DNAH5: variants seen among roughly 807,000 people sequenced by gnomAD.
DNAH5 encodes the protein axonemal beta dynein heavy chain 5.
Under a neutral mutation model 518.2 loss-of-function variants are expected in DNAH5, and 372 were observed. That is an observed-to-expected ratio of 0.72 (90% CI 0.66 to 0.78). The LOEUF is 0.78. Ranked by LOEUF, DNAH5 falls within the 30% of genes least tolerant of loss-of-function variation. The pLI is 0.00. For synonymous variants in DNAH5, 2,039 were observed against 2,025.9 expected (o/e 1.01, Z -0.17); for missense variants, 5,523 against 5,687.0 (o/e 0.97, Z 0.93).
chr5:13,757,789 A>C (rs1751208422), intron 61 of DNAH5, among the ~76,000 whole-genome samples: 1 of 152,198 alleles, frequency 6.6e-6, no homozygotes, highest in African/African-American at 2.4e-5. Flanking sequence ...AAAAGCATTT[A>C]CTTTGCTTGT....
At chr5:13,907,456 G>A (rs1202268513) in intron 12 of DNAH5, among the ~76,000 whole-genome samples, 2 of 152,048 alleles carry the variant, frequency 1.3e-5, no homozygotes, top group African/African-American at 4.8e-5. Flanking sequence ...AAAGAACCTG[G>A]GGGAGAGAAG....
In DNAH5 at chr5:13,814,867, G is replaced by GA. The variant is rs753827452; in HGVS notation, c.6989-22dup. 2,652 of 1,482,518 alleles carry GA rather than the reference G, an allele frequency of 1.8e-3. No homozygotes were observed. The highest frequency in any genetic ancestry group is 0.012 in the African/African-American group (826 of 69,984). 91.8% of individuals were successfully genotyped at this position (1,482,518 alleles called of 1,614,324 possible). On this transcript the variant is annotated intron_variant, in intron 42 of 78. Transcript: ENST00000265104. ...TTCCCCTAGAATACCCCACCAAAGG[G>GA]AAAAAAAAAATACATACACTCATGC...
At position 13,965,263 on chromosome 5, in the gene DNAH5, G is replaced by T. The variant is rs57771445; in HGVS notation, c.13-34019C>A. On this transcript the variant is annotated intron_variant, in intron 1 of 78. Transcript: ENST00000681290. ...GATATGTAAGTCAACAGACAAATCCGTTTTTTTAATGTCTTCCCTTTTATT... is the reference window on the plus strand; with the variant it reads ...GATATGTAAGTCAACAGACAAATCCTTTTTTTTAATGTCTTCCCTTTTATT... 7.6e-3 allele frequency among the ~76,000 whole-genome samples: 1,161 copies of T among 151,986 alleles called. 16 individuals carry two copies. The highest frequency in any genetic ancestry group is 0.027 in the African/African-American group (1,113 of 41,450).
intron 67 of DNAH5, 22 bp downstream of exon 67, chr5:13,735,796 G>T: frequency 6.4e-7 from 1 of 1,569,620 alleles, no homozygotes; most frequent in African/African-American, 1.3e-5. Flanking sequence ...AATTCAGCTT[G>T]GCTTCCCGCG....
chr5:13,703,969 C>T (rs1742456564), intron 76 of DNAH5, among the ~76,000 whole-genome samples: 1 of 152,196 alleles, frequency 6.6e-6, no homozygotes, highest in South Asian at 2.1e-4. Flanking sequence ...GTCCATCTCC[C>T]TTCCCTCTGC....
chr5:13,878,888 GA>G (rs962579423), intron 21 of DNAH5, among the ~76,000 whole-genome samples: 3 of 152,178 alleles, frequency 2.0e-5, no homozygotes, highest in Non-Finnish European at 4.4e-5. Flanking sequence ...TGTGAAGACA[GA>G]AAAAATTGGA....
intron 60 of DNAH5, 141 bp downstream of exon 60, chr5:13,762,581 C>A: frequency 1.4e-6 from 1 of 731,804 alleles, no homozygotes; most frequent in South Asian, 1.5e-5. Context: ...CCATGCTTGG[C>A]CTTTCTATGC....
intron 1 of DNAH5, among the ~76,000 whole-genome samples, chr5:13,961,365 C>A (rs190186656): frequency 6.6e-6 from 1 of 152,082 alleles, no homozygotes; most frequent in Admixed American, 6.5e-5. Context: ...TAAAGCGAGC[C>A]GGGCATGGTG....
chr5:13,901,599 T>G, intron 13 of DNAH5, 26 bp from the exon 14 acceptor site: 1 of 1,460,010 alleles, frequency 6.8e-7, no homozygotes, highest in Non-Finnish European at 9.5e-7. Flanking sequence ...AGTTAAAAGC[T>G]TGAATTAATG....
At chr5:13,745,514 T>C (rs1368391625) in intron 65 of DNAH5, among the ~76,000 whole-genome samples, 1 of 152,136 alleles carries the variant, frequency 6.6e-6, no homozygotes, top group Non-Finnish European at 1.5e-5. Context: ...GATATACAAC[T>C]GAACATTCAT....
intron 1 of DNAH5, among the ~76,000 whole-genome samples, chr5:13,985,266 C>G (rs1269921140): frequency 8.7e-6 from 1 of 114,386 alleles, no homozygotes; most frequent in Non-Finnish European, 1.7e-5. Flanking sequence ...CATCACACAC[C>G]GGGGCCTGTT....
chr5:13,982,199 A>G (rs1450710608), intron 1 of DNAH5, among the ~76,000 whole-genome samples: 2 of 152,246 alleles, frequency 1.3e-5, no homozygotes, highest in African/African-American at 2.4e-5. Context: ...TAAACTTTCA[A>G]TTTTTTCCTA....
chr5:13,913,603 T>G, intron 11 of DNAH5, 140 bp downstream of exon 11: 1 of 1,009,238 alleles, frequency 9.9e-7, no homozygotes, highest in Non-Finnish European at 1.4e-6. Context: ...CTAATTTCTT[T>G]ATTGTTAAAA....
intron 38 of DNAH5, among the ~76,000 whole-genome samples, chr5:13,828,801 T>C (rs988424740): frequency 3.9e-5 from 6 of 152,188 alleles, no homozygotes; most frequent in Admixed American, 1.3e-4. Context: ...CAGAAGTAGA[T>C]TGTCCCCATT....
Position 13,865,653 on chromosome 5 carries a change from C to T in DNAH5, c.4355+15G>A, listed in dbSNP as rs777453304. On this transcript the variant is annotated intron_variant, in intron 27 of 78. Coordinates refer to ENST00000265104, the MANE Select transcript of DNAH5 (RefSeq NM_001369.3). ...AAGTTCAATTGCTGGGCATGCTAAA[C>T]ATTTAATTTCTTACCTGTTCTGGAA... The T allele has an allele frequency of 2.0e-6, 3 of 1,468,492 alleles. No individual in the cohort carries two copies. Among genetic ancestry groups the T allele is most frequent in the Non-Finnish European group, 2.9e-6 (3 of 1,047,770 alleles). The allele number at this position is 1,468,492 out of a possible 1,614,324, so 91.0% of individuals were successfully genotyped here. A position where few individuals can be genotyped will look rare whatever the true frequency, so the allele number is the denominator to read the frequency against.
intron 65 of DNAH5, among the ~76,000 whole-genome samples, chr5:13,738,364 T>G (rs1439868762): frequency 2.6e-5 from 4 of 152,218 alleles, no homozygotes; most frequent in Non-Finnish European, 5.9e-5. Context: ...ATTGTTTAAA[T>G]GTGGTTATTT....
intron 58 of DNAH5, among the ~76,000 whole-genome samples, chr5:13,767,376 C>G (rs1173812889): frequency 6.6e-6 from 1 of 152,170 alleles, no homozygotes; most frequent in Admixed American, 6.5e-5. Flanking sequence ...CTGCCCACCT[C>G]GGCCTCCCAA....
intron 78 of DNAH5, among the ~76,000 whole-genome samples, chr5:13,697,297 T>C (rs1003753184): frequency 6.6e-6 from 1 of 152,220 alleles, no homozygotes; most frequent in Admixed American, 6.5e-5. Context: ...ATAGGCAGTA[T>C]GCTTGCCTAA....
chr5:13,780,448 T>C (rs920602094), intron 53 of DNAH5, among the ~76,000 whole-genome samples: 1 of 152,216 alleles, frequency 6.6e-6, no homozygotes, highest in Non-Finnish European at 1.5e-5. Flanking sequence ...TTCTGAAATG[T>C]TGGAATGAGT....
Sources: gnomAD v4.1 joint callset for allele counts (sites outside exome capture counted in the v4.1 genomes callset) on GRCh38, gnomAD v4.1.1 for gene constraint, MANE v1.5 for transcripts, NCBI Gene and HGNC (gene_info 2026-07-23, HGNC 2026-07-21) for gene names.